HEG1: variants seen among roughly 807,000 people sequenced by gnomAD.
HEG1 encodes the protein protein HEG homolog 1.
In HEG1, 56 loss-of-function variants were observed where a neutral mutation model predicts 125.6. That is an observed-to-expected ratio of 0.45 (90% confidence interval 0.36 to 0.56). HEG1 has a LOEUF of 0.56. Ranked by LOEUF, HEG1 falls within the 20% of genes least tolerant of loss-of-function variation. HEG1 has a pLI of 0.00. For missense variants in HEG1, 1,523 were observed against 1,670.0 expected, an observed-to-expected ratio of 0.91 and a Z score of 1.53; for synonymous variants, 644 against 668.5, an observed-to-expected ratio of 0.96 and a Z score of 0.57.
chr3:125,047,527 C>G (rs1274134846), intron 1 of HEG1, among the ~76,000 whole-genome samples: 2 of 152,162 alleles, frequency 1.3e-5, no homozygotes, highest in East Asian at 1.9e-4. Context: ...AAGCCGGGAC[C>G]TCTGTGGTCT....
chr3:124,983,059 T>C (rs1936680218), intron 14 of HEG1, among the ~76,000 whole-genome samples: 1 of 152,170 alleles, frequency 6.6e-6, no homozygotes, highest in African/African-American at 2.4e-5. Flanking sequence ...CACAGGAAGC[T>C]CCTCGCTACC....
At chr3:124,985,279 T>C (rs893117783) in intron 14 of HEG1, among the ~76,000 whole-genome samples, 1 of 152,180 alleles carries the variant, frequency 6.6e-6, no homozygotes, top group Non-Finnish European at 1.5e-5. Flanking sequence ...AACATAGTGT[T>C]TAATGGGTGG....
chr3:125,000,870 G>A (rs1284201277), intron 11 of HEG1, among the ~76,000 whole-genome samples: 1 of 152,168 alleles, frequency 6.6e-6, no homozygotes, highest in East Asian at 1.9e-4. Context: ...TCCATCCTTT[G>A]CCAGCCCTAC....
intron 14 of HEG1, among the ~76,000 whole-genome samples, chr3:124,983,828 T>C (rs766089783): frequency 6.6e-6 from 1 of 152,162 alleles, no homozygotes; most frequent in Non-Finnish European, 1.5e-5. Flanking sequence ...CACAACTCTA[T>C]CCCTTCCACC....
In HEG1 at chr3:125,013,906, G is replaced by A; in HGVS notation, c.1673C>T (p.Ser558Leu). 1.2e-6 allele frequency: 2 copies of A among 1,613,826 alleles called. No individual in the cohort carries two copies. Among genetic ancestry groups the A allele is most frequent in the Non-Finnish European group, 8.5e-7 (1 of 1,179,808 alleles). Residue 558 changes from serine to leucine, a missense_variant, in exon 6 of 17, where the codon TCA becomes TTA. Coordinates refer to ENST00000311127, the MANE Select transcript of HEG1 (RefSeq NM_020733.2). Reference protein sequence around the residue: ...SSDHTDHTYLSSTFTKGERAL... With the variant: ...SSDHTDHTYLLSTFTKGERAL... The stretch of plus-strand genomic sequence containing the variant: ...CCGTTCTCCTTTGGTGAAAGTAGAT[G>A]ACAGGTAGGTGTGGTCTGTGTGGTC...
intron 2 of HEG1, among the ~76,000 whole-genome samples, chr3:125,028,329 A>T (rs970555618): frequency 7.2e-5 from 11 of 152,322 alleles, no homozygotes; most frequent in Non-Finnish European, 1.6e-4. Context: ...CAGGTTTCAA[A>T]AGTCCTCCGT....
chr3:124,992,348 A>G (rs184281178), intron 12 of HEG1, among the ~76,000 whole-genome samples: 61 of 152,348 alleles, frequency 4.0e-4, no homozygotes, highest in Admixed American at 1.4e-3. Context: ...CAACACAACA[A>G]TAAGATGACA....
Position 125,013,685 on chromosome 3 carries a change from TG to T in HEG1, c.1893del (p.Asn632ThrfsTer71). The T allele has an allele frequency of 6.2e-7, 1 of 1,613,810 alleles. No individual in the cohort carries two copies. The highest frequency in any genetic ancestry group is 8.5e-7 in the Non-Finnish European group (1 of 1,179,848). ...PSTESPVLHT[S>X]NLPSYTPTIN... The stretch of plus-strand genomic sequence containing the variant: ...ATGGTGGGTGTGTAGGACGGAAGGT[TG>T]GATGTATGCAGAACTGGCGACTCAG... On this transcript the variant is annotated frameshift_variant, in exon 6 of 17. Coordinates refer to ENST00000311127, the MANE Select transcript of HEG1 (RefSeq NM_020733.2). LOFTEE classifies it high-confidence loss of function.
At chr3:125,018,259 G>A (rs1937283743) in intron 5 of HEG1, among the ~76,000 whole-genome samples, 1 of 152,086 alleles carries the variant, frequency 6.6e-6, no homozygotes, top group Non-Finnish European at 1.5e-5. Flanking sequence ...TGACACTAAG[G>A]GAAAGACACA....
At chr3:125,031,607 G>A (rs1579430415) in intron 1 of HEG1, among the ~76,000 whole-genome samples, 4 of 151,810 alleles carry the variant, frequency 2.6e-5, no homozygotes, top group African/African-American at 7.3e-5. Flanking sequence ...GCAAACCATC[G>A]GACAAGTAGA....
intron 11 of HEG1, among the ~76,000 whole-genome samples, chr3:124,998,845 A>AAGCT (rs559407959): frequency 3.5e-4 from 53 of 152,308 alleles, no homozygotes; most frequent in Admixed American, 1.8e-3. Flanking sequence ...AGGGCAAGGC[A>AAGCT]AGCTAGATAT....
At chr3:125,049,992 T>C (rs571923362) in intron 1 of HEG1, among the ~76,000 whole-genome samples, 1 of 152,314 alleles carries the variant, frequency 6.6e-6, no homozygotes, top group East Asian at 1.9e-4. Flanking sequence ...CTTTCCAGTC[T>C]TGTCTTCAAT....
At chr3:125,053,460 G>A in intron 1 of HEG1, among the ~76,000 whole-genome samples, 1 of 152,322 alleles carries the variant, frequency 6.6e-6, no homozygotes, top group East Asian at 1.9e-4. Flanking sequence ...GCTTCTAGCA[G>A]CTTCAACAGG....
In HEG1 at chr3:125,012,914, G is replaced by A; in HGVS notation, c.2665C>T (p.Leu889=). ...CCTTCTGTTGAGATTTGAGGAACTAGTATTTCAGGATGGGTCAGCGAGAGC... is the reference window on the plus strand; with the variant it reads ...CCTTCTGTTGAGATTTGAGGAACTAATATTTCAGGATGGGTCAGCGAGAGC... ...KQLSLTHPEI[L]VPQISTEGGI... is the part of the protein sequence containing the mutation. Residue 889 remains leucine (L), a synonymous_variant, in exon 6 of 17, where the codon CTA becomes TTA. Coordinates refer to ENST00000311127, the MANE Select transcript of HEG1 (RefSeq NM_020733.2). 6 of 1,614,062 alleles carry A rather than the reference G, an allele frequency of 3.7e-6. No individual in the cohort carries two copies. The highest frequency in any genetic ancestry group is 5.1e-6 in the Non-Finnish European group (6 of 1,179,908).
At chr3:125,016,623 C>T (rs1038290402) in intron 5 of HEG1, among the ~76,000 whole-genome samples, 17 of 152,176 alleles carry the variant, frequency 1.1e-4, no homozygotes, top group African/African-American at 3.6e-4. Flanking sequence ...AAATATCCCC[C>T]GCTTGTGTGT....
rs1198540246 is a variant in HEG1, at chr3:124,966,109, C to T, written c.*4543G>A. 1 of 152,210 alleles carries T rather than the reference C, an allele frequency of 6.6e-6. No individual in the cohort carries two copies. Among genetic ancestry groups the T allele is most frequent in the East Asian group, 1.9e-4 (1 of 5,194 alleles). The allele number at this position is 152,210 out of a possible 1,614,324, so 9.4% of individuals were successfully genotyped here. A position where few individuals can be genotyped will look rare whatever the true frequency, so the allele number is the denominator to read the frequency against. ...AGGTAAATGATTCGGATTAGTTTCC[C>T]AGGCAGAACTGACTCCATCCCATCC... On this transcript the variant is annotated 3_prime_UTR_variant, in exon 17 of 17. Transcript: ENST00000311127.
At position 125,013,588 on chromosome 3, in the gene HEG1, G is replaced by A; in HGVS notation, c.1991C>T (p.Ser664Phe). 6.3e-7 allele frequency: 1 copy of A among 1,593,738 alleles called. No homozygotes were observed. The highest frequency in any genetic ancestry group is 8.6e-7 in the Non-Finnish European group (1 of 1,168,872). ...EFVSDSSSSS[S>F]SSSSSSSSGP... ...TGAAGAAGAAGAAGAGGAGGAGGAG[G>A]AAGAGGAGGAGGAGGAGTCACTAAC... Residue 664 changes from serine (S) to phenylalanine (F), a missense_variant, in exon 6 of 17, where the codon TCC becomes TTC. Transcript: ENST00000311127.
chr3:124,971,030 C>T (rs1020805860), intron 16 of HEG1: 13 of 610,324 alleles, frequency 2.1e-5, no homozygotes, highest in South Asian at 4.8e-5. Flanking sequence ...CTGATGCAAA[C>T]GGAGGAACTG....
At chr3:125,023,238 C>CA (rs35404571) in intron 3 of HEG1, among the ~76,000 whole-genome samples, 74,257 of 151,610 alleles carry the variant, frequency 0.49, 18,626 homozygotes, top group Middle Eastern at 0.64. Context: ...ACAAACAAAC[C>CA]AAAAAAACTC....
Sources: allele counts gnomAD v4.1 joint callset (sites outside exome capture counted in the v4.1 genomes callset), GRCh38; gene constraint gnomAD v4.1.1; transcripts MANE v1.5; gene names NCBI Gene and HGNC (gene_info 2026-07-23, HGNC 2026-07-21).